VMP1: variants seen among roughly 807,000 people sequenced by gnomAD.
The protein encoded by VMP1 is vacuole membrane protein 1.
A neutral mutation model predicts 56.0 loss-of-function variants in VMP1; 11 were observed. The ratio of observed to expected loss-of-function variants is 0.20; its 90% confidence interval spans 0.12 to 0.32. VMP1 has a LOEUF of 0.32. Among genes scored for constraint, VMP1 ranks in the 10% least tolerant of loss-of-function variants. The pLI, the probability that VMP1 is intolerant of heterozygous loss-of-function variation, is 1.00. For synonymous variants in VMP1, 149 were observed against 165.0 expected, an observed-to-expected ratio of 0.90 and a Z score of 0.74; for missense variants, 296 against 490.3, an observed-to-expected ratio of 0.60 and a Z score of 3.74.
chr17:59,832,969 A>G (rs940460080), intron 10 of VMP1, among the ~76,000 whole-genome samples: 12 of 151,948 alleles, frequency 7.9e-5, no homozygotes, highest in African/African-American at 2.9e-4. Flanking sequence ...GACTTCCCCA[A>G]CTTAACTATG....
At chr17:59,729,590 T>A (rs549546295) in intron 1 of VMP1, 1 of 152,268 alleles carries the variant, frequency 6.6e-6, no homozygotes, top group South Asian at 2.1e-4. Context: ...TGACAGATTG[T>A]TTTCCAAAGC....
intron 7 of VMP1, among the ~76,000 whole-genome samples, chr17:59,801,474 G>A (rs1038693899): frequency 6.6e-6 from 1 of 151,902 alleles, no homozygotes; most frequent in Admixed American, 6.6e-5. Context: ...GGCTGCTCTG[G>A]AAGTCCTAGG....
At chr17:59,716,039 T>TATA (rs2034140209) in intron 1 of VMP1, among the ~76,000 whole-genome samples, 1 of 152,214 alleles carries the variant, frequency 6.6e-6, no homozygotes, top group Non-Finnish European at 1.5e-5. Context: ...GATTGTCATT[T>TATA]ATAATGCCCA....
rs2038346460 is a variant in VMP1 at position 59,819,003 on chromosome 17, GGTCATATATAT to G, written c.974+1233_974+1243del. 5.3e-5 allele frequency among the ~76,000 whole-genome samples: 8 copies of G among 151,930 alleles called. No homozygotes were observed. In the South Asian group the frequency reaches 1.7e-3, roughly 32 times the overall value. On this transcript the variant is annotated intron_variant, in intron 10 of 11. Transcript: ENST00000262291. ...TGAGTTTGTGACTATTGATTTTTTT[GGTCATATATAT>G]GTTCATTCTTTTCTATGTATTGTAA...
chr17:59,772,964 T>TTC (rs1418189160), intron 6 of VMP1, among the ~76,000 whole-genome samples: 1 of 122,356 alleles, frequency 8.2e-6, no homozygotes, highest in Non-Finnish European at 1.7e-5. Flanking sequence ...TTTTTTTTTT[T>TTC]TTTTTTTTTT....
chr17:59,766,837 T>C (rs957151779), intron 6 of VMP1, among the ~76,000 whole-genome samples: 1 of 151,928 alleles, frequency 6.6e-6, no homozygotes, highest in Non-Finnish European at 1.5e-5. Flanking sequence ...TAAAGTGTGG[T>C]AGCGCAATCT....
intron 5 of VMP1, among the ~76,000 whole-genome samples, chr17:59,744,463 A>C (rs1168526944): frequency 2.2e-5 from 2 of 90,630 alleles, no homozygotes; most frequent in Admixed American, 1.1e-4. Context: ...ATTCCATCTC[A>C]AAAAAAAAAA....
intron 7 of VMP1, among the ~76,000 whole-genome samples, chr17:59,800,831 C>G (rs1345667553): frequency 6.6e-6 from 1 of 152,024 alleles, no homozygotes; most frequent in Non-Finnish European, 1.5e-5. Flanking sequence ...CCTGTAGTCC[C>G]AGCACGTTAG....
intron 7 of VMP1, among the ~76,000 whole-genome samples, chr17:59,796,701 C>T (rs934046807): frequency 6.6e-6 from 1 of 152,160 alleles, no homozygotes; most frequent in Admixed American, 6.6e-5. Context: ...ATTCATTCCT[C>T]GTTTTCTTGC....
intron 10 of VMP1, among the ~76,000 whole-genome samples, chr17:59,823,609 G>A (rs138561661): frequency 1.4e-3 from 209 of 151,824 alleles, no homozygotes; most frequent in Middle Eastern, 3.4e-3. Flanking sequence ...AAAATTAGCC[G>A]GGTGTGGTGG....
In VMP1 at chr17:59,841,179, G is replaced by A; in HGVS notation, c.*1268G>A. On this transcript the variant is annotated 3_prime_UTR_variant, in exon 12 of 12. Coordinates refer to ENST00000262291, the MANE Select transcript of VMP1 (RefSeq NM_030938.5). ...AGAAATGCCTGGGTTTTTTTGGTTT[G>A]TTTTTGTTTTTGTTTTTTTATCAAA... is the stretch of plus-strand genomic sequence containing the variant. 2 of 402,478 alleles carry A rather than the reference G, an allele frequency of 5.0e-6. No individual in the cohort carries two copies. The highest frequency in any genetic ancestry group is 4.0e-5 in the South Asian group (2 of 50,376). The allele number at this position is 402,478 out of a possible 1,614,324, so 24.9% of individuals were successfully genotyped here.
At chr17:59,783,056 C>T (rs987503144) in intron 7 of VMP1, among the ~76,000 whole-genome samples, 41 of 152,084 alleles carry the variant, frequency 2.7e-4, no homozygotes, top group African/African-American at 8.2e-4. Context: ...GTTAGCCGGG[C>T]GTGGTGGCGG....
At chr17:59,824,335 GC>G (rs1346390913) in intron 10 of VMP1, among the ~76,000 whole-genome samples, 1 of 151,966 alleles carries the variant, frequency 6.6e-6, no homozygotes, top group African/African-American at 2.4e-5. Flanking sequence ...ACTTTGGGAG[GC>G]CAAGGCAGGT....
chr17:59,827,412 GT>G (rs2038676367), intron 10 of VMP1, among the ~76,000 whole-genome samples: 1 of 151,964 alleles, frequency 6.6e-6, no homozygotes, highest in African/African-American at 2.4e-5. Context: ...TGCCTCCTGG[GT>G]TCAAGCAATT....
chr17:59,761,958 G>C (rs1351088903), intron 5 of VMP1, among the ~76,000 whole-genome samples: 1 of 152,100 alleles, frequency 6.6e-6, no homozygotes, highest in East Asian at 1.9e-4. Context: ...TTGGGCTCTT[G>C]CTCTTTTGAC....
chr17:59,839,855 C>A lies in VMP1; in HGVS notation c.1165C>A (p.Gln389Lys). The change falls in exon 12 of 12, where the codon CAA (glutamine) becomes AAA (lysine). Residue 389 changes from glutamine to lysine, a missense_variant. Transcript: ENST00000262291. ...FILSIINSMA[Q>K]SYAKRIQQRL... is the part of the protein sequence containing the mutation. ...CCTATCTATCATTAACTCCATGGCA[C>A]AAAGTTATGCCAAACGAATCCAGCA... 1 of 1,612,982 alleles carries A rather than the reference C, an allele frequency of 6.2e-7. No homozygotes were observed. The highest frequency in any genetic ancestry group is 8.5e-7 in the Non-Finnish European group (1 of 1,179,834).
chr17:59,727,141 G>GT (rs1022672307), intron 1 of VMP1, among the ~76,000 whole-genome samples: 69 of 148,460 alleles, frequency 4.6e-4, no homozygotes, highest in African/African-American at 6.4e-4. Flanking sequence ...GTTTTTTTTT[G>GT]TTTTTTTTTG....
At position 59,841,438 on chromosome 17, in the gene VMP1, G is replaced by A. The variant is rs1219262643; in HGVS notation, c.*1527G>A. The stretch of plus-strand genomic sequence containing the variant: ...AGAAACTCTGGTCCTTCTGTCTGGT[G>A]GCACTTAGAGTCTTTTGTGCCATAA... On this transcript the variant is annotated 3_prime_UTR_variant, in exon 12 of 12. Coordinates refer to ENST00000262291, the MANE Select transcript of VMP1 (RefSeq NM_030938.5). 3 of 348,240 alleles carry A rather than the reference G, an allele frequency of 8.6e-6. No individual in the cohort carries two copies. The East Asian group carries it at 2.1e-4, about 24-fold the overall frequency. 21.6% of individuals were successfully genotyped at this position (348,240 alleles called of 1,614,324 possible).
intron 5 of VMP1, among the ~76,000 whole-genome samples, chr17:59,748,890 A>AT (rs67248900): frequency 0.19 from 12,174 of 65,648 alleles, 714 homozygotes; most frequent in Middle Eastern, 0.29. Flanking sequence ...TATTATTATT[A>AT]TTTATTTTTT....
Sources: gnomAD v4.1 joint callset for allele counts (sites outside exome capture counted in the v4.1 genomes callset) on GRCh38, gnomAD v4.1.1 for gene constraint, MANE v1.5 for transcripts, NCBI Gene and HGNC (gene_info 2026-07-23, HGNC 2026-07-21) for gene names.